The following ZNF831 variants were observed in gnomAD, a reference collection of about 807,000 sequenced individuals.
ZNF831 encodes the protein zinc finger protein 831, also known as chromosome 20 open reading frame 174.
Under a neutral mutation model 95.8 loss-of-function variants are expected in ZNF831, and 59 were observed. The ratio of observed to expected loss-of-function variants is 0.62; its 90% CI spans 0.50 to 0.77. The LOEUF (loss-of-function observed/expected upper bound fraction) is 0.77, where lower values mean the gene tolerates loss of function less well. Among genes scored for constraint, ZNF831 ranks in the 30% least tolerant of loss-of-function variants. The probability of loss-of-function intolerance (pLI) is 0.00; values close to 1 mark genes in which losing one functional copy is unlikely to be tolerated. For synonymous variants in ZNF831, 961 were observed against 925.5 expected (o/e 1.04, Z -0.70); for missense variants, 2,205 against 2,164.0 (o/e 1.02, Z -0.38).
At chr20:59,249,524 G>T (rs1261329184) in intron 4 of ZNF831, among the ~76,000 whole-genome samples, 1 of 152,110 alleles carries the variant, frequency 6.6e-6, no homozygotes, top group African/African-American at 2.4e-5. Flanking sequence ...GACTCTTCAA[G>T]GTGGAGCATG....
At position 59,258,731 on chromosome 20, in the gene ZNF831, T is replaced by C. The variant is rs1202973639; in HGVS notation, c.*3988T>C. 1 of 152,278 alleles carries C rather than the reference T, an allele frequency of 6.6e-6. No homozygotes were observed. The highest frequency in any genetic ancestry group is 2.4e-5 in the African/African-American group (1 of 41,480). The allele number at this position is 152,278 out of a possible 1,614,324, so 9.4% of individuals were successfully genotyped here. A position where few individuals can be genotyped will look rare whatever the true frequency, so the allele number is the denominator to read the frequency against. On this transcript the variant is annotated 3_prime_UTR_variant, in exon 6 of 6. Coordinates refer to ENST00000371030, the MANE Select transcript of ZNF831 (RefSeq NM_178457.3). ...AATATTTAAGCACAATTTATTGTCCTTATTTTTCAGAACCCATTAAATATA... is the reference window on the plus strand; with the variant it reads ...AATATTTAAGCACAATTTATTGTCCCTATTTTTCAGAACCCATTAAATATA...
At chr20:59,226,065 A>G (rs928448169) in intron 4 of ZNF831, among the ~76,000 whole-genome samples, 1 of 152,140 alleles carries the variant, frequency 6.6e-6, no homozygotes, top group Non-Finnish European at 1.5e-5. Context: ...TCAAAATCCC[A>G]TCATCAGTGT....
At chr20:59,134,018 A>C (rs967922233) in intron 1 of ZNF831, among the ~76,000 whole-genome samples, 3 of 152,096 alleles carry the variant, frequency 2.0e-5, no homozygotes, top group Non-Finnish European at 2.9e-5. Context: ...GGAACACCTC[A>C]CAGCTCAGAT....
intron 1 of ZNF831, among the ~76,000 whole-genome samples, chr20:59,138,920 C>T (rs1979592010): frequency 6.6e-6 from 1 of 152,158 alleles, no homozygotes; most frequent in Admixed American, 6.6e-5. Flanking sequence ...GATCTTTACT[C>T]TCTTATTTTT....
At chr20:59,133,417 C>A (rs1489110954) in intron 1 of ZNF831, among the ~76,000 whole-genome samples, 1 of 152,140 alleles carries the variant, frequency 6.6e-6, no homozygotes, top group African/African-American at 2.4e-5. Flanking sequence ...GAAAACACAC[C>A]TCCCCCGTCA....
At chr20:59,213,781 A>G (rs1985498796) in intron 4 of ZNF831, among the ~76,000 whole-genome samples, 1 of 152,014 alleles carries the variant, frequency 6.6e-6, no homozygotes, top group Non-Finnish European at 1.5e-5. Context: ...GCAAAATTCA[A>G]CTCTATGGAA....
chr20:59,179,025 C>T (rs1047485679), intron 1 of ZNF831, among the ~76,000 whole-genome samples: 5 of 152,126 alleles, frequency 3.3e-5, no homozygotes, highest in South Asian at 2.1e-4. Flanking sequence ...ACTTGAAGGG[C>T]GGGGGGTCCA....
intron 4 of ZNF831, among the ~76,000 whole-genome samples, chr20:59,232,372 G>A (rs975047053): frequency 2.0e-5 from 3 of 152,104 alleles, no homozygotes; most frequent in Admixed American, 2.0e-4. Flanking sequence ...GTGGAGCAGA[G>A]TCAAATCATT....
At chr20:59,160,852 T>C (rs1002485058), upstream of ZNF831, 1 of 151,708 alleles carries the variant, frequency 6.6e-6, no homozygotes, top group African/African-American at 2.4e-5. Context: ...GAAAGAATAG[T>C]CAATGCAGAC....
Position 59,259,044 on chromosome 20 carries a change from T to G in ZNF831, c.*4301T>G, listed in dbSNP as rs917663585. The G allele has an allele frequency of 2.0e-5, 3 of 152,308 alleles. No individual in the cohort carries two copies. Among genetic ancestry groups the G allele is most frequent in the South Asian group, 2.1e-4 (1 of 4,826 alleles). 9.4% of individuals were successfully genotyped at this position (152,308 alleles called of 1,614,324 possible). A position where few individuals can be genotyped will look rare whatever the true frequency, so the allele number is the denominator to read the frequency against. On this transcript the variant is annotated 3_prime_UTR_variant, in exon 6 of 6. Coordinates refer to ENST00000371030, the MANE Select transcript of ZNF831 (RefSeq NM_178457.3). ...AGGGAAATGATTGGCTTCTTGGTTGTTTGTTGAACTTTCTTTCTTTATATG... is the reference window on the plus strand; with the variant it reads ...AGGGAAATGATTGGCTTCTTGGTTGGTTGTTGAACTTTCTTTCTTTATATG...
At chr20:59,143,705 G>C (rs1325032383) in intron 1 of ZNF831, among the ~76,000 whole-genome samples, 1 of 152,222 alleles carries the variant, frequency 6.6e-6, no homozygotes, top group Non-Finnish European at 1.5e-5. Flanking sequence ...TTAAAGGCTG[G>C]ATGGTTGGCC....
intron 5 of ZNF831, 114 bp downstream of exon 5, chr20:59,253,252 A>G (rs1987997318): frequency 2.5e-6 from 3 of 1,192,034 alleles, no homozygotes; most frequent in East Asian, 2.4e-5. Flanking sequence ...CACCTTATGA[A>G]GATTCGTGGC....
At position 59,192,514 on chromosome 20, in the gene ZNF831, G is replaced by A. The variant is rs2146566877; in HGVS notation, c.1495G>A (p.Val499Ile). The A allele has an allele frequency of 1.3e-6, 2 of 1,538,526 alleles. No homozygotes were observed. Among genetic ancestry groups the A allele is most frequent in the Non-Finnish European group, 1.7e-6 (2 of 1,144,336 alleles). ...PTQLSTTVEC[V>I]PVTRSNSLPF... ...TCAGCTCTCCACCACCGTGGAATGTGTCCCCGTCACCAGGAGCAACTCGCT... is the reference window on the plus strand; with the variant it reads ...TCAGCTCTCCACCACCGTGGAATGTATCCCCGTCACCAGGAGCAACTCGCT... Residue 499 changes from valine (V) to isoleucine (I), a missense_variant, in exon 2 of 6, where the codon GTC becomes ATC. Physicochemically the swap from Val to Ile is conservative, Grantham distance 29. Coordinates refer to ENST00000371030, the MANE Select transcript of ZNF831 (RefSeq NM_178457.3). The surrounding 1 kb of genome is among the most constrained non-coding windows in gnomAD (Gnocchi z 5.2).
At chr20:59,209,709 C>T (rs1985157212) in intron 4 of ZNF831, among the ~76,000 whole-genome samples, 1 of 152,188 alleles carries the variant, frequency 6.6e-6, no homozygotes, top group African/African-American at 2.4e-5. Flanking sequence ...GCTGATGCTC[C>T]CTCTGGACTT....
At chr20:59,184,769 G>A (rs368802072) in intron 1 of ZNF831, among the ~76,000 whole-genome samples, 9 of 152,156 alleles carry the variant, frequency 5.9e-5, no homozygotes, top group African/African-American at 2.2e-4. Context: ...ACCTACTTAT[G>A]GCATTTTCAT....
intron 4 of ZNF831, among the ~76,000 whole-genome samples, 171 bp downstream of exon 4, chr20:59,207,227 T>A (rs1157353259): frequency 6.6e-6 from 1 of 152,126 alleles, no homozygotes; most frequent in Non-Finnish European, 1.5e-5. Context: ...AAAGTGACCC[T>A]AAACTAGTGG....
chr20:59,162,526 C>T (rs1327516827), upstream of ZNF831, among the ~76,000 whole-genome samples: 2 of 152,180 alleles, frequency 1.3e-5, no homozygotes, highest in African/African-American at 2.4e-5. Context: ...CTAGTTTCCC[C>T]AGCACCATTT....
At chr20:59,175,187 G>A (rs1982047586) in intron 1 of ZNF831, among the ~76,000 whole-genome samples, 1 of 145,252 alleles carries the variant, frequency 6.9e-6, no homozygotes, top group East Asian at 2.1e-4. Context: ...GTTTGACTAT[G>A]ACGTGCTTTG....
At chr20:59,177,559 G>GA (rs1397532663) in intron 1 of ZNF831, among the ~76,000 whole-genome samples, 4 of 152,190 alleles carry the variant, frequency 2.6e-5, no homozygotes, top group Non-Finnish European at 5.9e-5. Context: ...GGACAAACTA[G>GA]GACGAGTTGG....
Sources: allele counts gnomAD v4.1 joint callset (sites outside exome capture counted in the v4.1 genomes callset), GRCh38; gene constraint gnomAD v4.1.1; non-coding constraint Gnocchi (gnomAD v3.1); transcripts MANE v1.5; gene names NCBI Gene and HGNC (gene_info 2026-07-23, HGNC 2026-07-21).